The following GRIN2A variants were observed in gnomAD, a reference collection of about 807,000 sequenced individuals.
The protein encoded by GRIN2A is glutamate ionotropic receptor NMDA type subunit 2A, also known as glutamate receptor ionotropic, NMDA 2A.
Under a neutral mutation model 113.4 loss-of-function variants are expected in GRIN2A, and 22 were observed. The observed-to-expected ratio is 0.19, with a 90% CI of 0.14 to 0.28. The LOEUF (loss-of-function observed/expected upper bound fraction) is 0.28, where lower values mean the gene tolerates loss of function less well. Among genes scored for constraint, GRIN2A ranks in the 10% least tolerant of loss-of-function variants. The pLI, the probability that GRIN2A is intolerant of heterozygous loss-of-function variation, is 1.00. For synonymous variants in GRIN2A, 827 were observed against 738.4 expected (o/e 1.12, Z -1.94); for missense variants, 1,502 against 1,887.0 (o/e 0.80, Z 3.78).
intron 2 of GRIN2A, among the ~76,000 whole-genome samples, chr16:10,034,412 C>T (rs577462838): frequency 1.3e-5 from 2 of 151,870 alleles, no homozygotes; most frequent in South Asian, 4.2e-4. Flanking sequence ...ATAGTCCCTG[C>T]TACTCGGGAG....
At chr16:10,087,757 T>G (rs934914120) in intron 2 of GRIN2A, among the ~76,000 whole-genome samples, 1 of 152,070 alleles carries the variant, frequency 6.6e-6, no homozygotes, top group Non-Finnish European at 1.5e-5. Flanking sequence ...TAGCATGATC[T>G]CAGCTCATTG....
chr16:9,776,278 ATTTTTTTTT>A (rs34371083), intron 11 of GRIN2A, among the ~76,000 whole-genome samples: 3 of 129,664 alleles, frequency 2.3e-5, no homozygotes, highest in African/African-American at 8.7e-5. Context: ...AACATCCTGG[ATTTTTTTTT>A]TTTTTTTTTG....
chr16:9,820,005 C>G (rs1488704447), intron 10 of GRIN2A, among the ~76,000 whole-genome samples: 1 of 151,550 alleles, frequency 6.6e-6, no homozygotes, highest in South Asian at 2.1e-4. Flanking sequence ...GCAAAGCATC[C>G]CCCACATGGG....
intron 2 of GRIN2A, among the ~76,000 whole-genome samples, chr16:10,154,311 G>A (rs1383983439): frequency 6.6e-6 from 1 of 152,148 alleles, no homozygotes; most frequent in Non-Finnish European, 1.5e-5. Context: ...TTAAGATACA[G>A]GGGCTGTTTG....
intron 2 of GRIN2A, among the ~76,000 whole-genome samples, chr16:10,169,987 T>C (rs1223754620): frequency 1.3e-5 from 2 of 152,182 alleles, no homozygotes; most frequent in African/African-American, 4.8e-5. Flanking sequence ...ATAAAAAGTC[T>C]GTATTTGAGC....
At chr16:9,844,218 A>G (rs1314340051) in intron 5 of GRIN2A, among the ~76,000 whole-genome samples, 3 of 152,168 alleles carry the variant, frequency 2.0e-5, no homozygotes, top group Non-Finnish European at 4.4e-5. Flanking sequence ...AACCTCAGCC[A>G]GTTTATGAGT....
chr16:10,104,401 C>T (rs1038918158), intron 2 of GRIN2A, among the ~76,000 whole-genome samples: 1 of 152,014 alleles, frequency 6.6e-6, no homozygotes, highest in Non-Finnish European at 1.5e-5. Context: ...GGTGCCATGC[C>T]CTGGAGGAGG....
At chr16:9,842,807 T>C (rs2042703032) in intron 5 of GRIN2A, among the ~76,000 whole-genome samples, 1 of 152,006 alleles carries the variant, frequency 6.6e-6, no homozygotes, top group South Asian at 2.1e-4. Flanking sequence ...CATGGTGGCA[T>C]GCACCTGTAA....
chr16:10,097,984 C>T (rs1461765303), intron 2 of GRIN2A, among the ~76,000 whole-genome samples: 1 of 152,138 alleles, frequency 6.6e-6, no homozygotes, highest in Non-Finnish European at 1.5e-5. Context: ...GCCAAAAGAA[C>T]AGTCAGCAGA....
intron 2 of GRIN2A, among the ~76,000 whole-genome samples, chr16:9,966,299 G>T (rs2045555624): frequency 6.6e-6 from 1 of 152,062 alleles, no homozygotes; most frequent in Admixed American, 6.6e-5. Flanking sequence ...GCCCCATTGT[G>T]TGTTTTTCCA....
At position 10,046,780 on chromosome 16, in the gene GRIN2A, T is replaced by G. The variant is rs549802109; in HGVS notation, c.415-108229A>C. Reference sequence around the variant, plus strand: ...AAAATGCATAATAAACTCCAAGTGCTTTGTGGGTATCATTACATTTTCAGT... The same window carrying G: ...AAAATGCATAATAAACTCCAAGTGCGTTGTGGGTATCATTACATTTTCAGT... On this transcript the variant is annotated intron_variant, in intron 2 of 12. Coordinates refer to ENST00000330684, the MANE Select transcript of GRIN2A (RefSeq NM_001134407.3). Among the ~76,000 whole-genome samples the G allele has an allele frequency of 1.1e-4, 17 of 152,304 alleles. No homozygotes were observed. The East Asian group carries it at 3.3e-3, about 29-fold the overall frequency.
chr16:10,158,841 C>G (rs2049755449), intron 2 of GRIN2A, among the ~76,000 whole-genome samples: 1 of 152,182 alleles, frequency 6.6e-6, no homozygotes, highest in African/African-American at 2.4e-5. Flanking sequence ...GATGGAGGTG[C>G]TGGTCACACA....
At chr16:10,122,422 T>C (rs981494520) in intron 2 of GRIN2A, among the ~76,000 whole-genome samples, 1 of 152,144 alleles carries the variant, frequency 6.6e-6, no homozygotes, top group Non-Finnish European at 1.5e-5. Flanking sequence ...GTGATGAACA[T>C]TGCAGCAGGT....
intron 9 of GRIN2A, among the ~76,000 whole-genome samples, chr16:9,827,429 G>T (rs2141306452): frequency 6.6e-6 from 1 of 152,334 alleles, no homozygotes; most frequent in East Asian, 1.9e-4. Context: ...GGAAAGACTG[G>T]AGAAGGGGGA....
At chr16:10,118,615 G>A (rs2048773501) in intron 2 of GRIN2A, among the ~76,000 whole-genome samples, 1 of 152,168 alleles carries the variant, frequency 6.6e-6, no homozygotes, top group African/African-American at 2.4e-5. Context: ...TCCTGGTATG[G>A]CGGAGAAGAA....
intron 2 of GRIN2A, among the ~76,000 whole-genome samples, chr16:10,007,875 T>C (rs1298611717): frequency 2.0e-5 from 3 of 152,144 alleles, no homozygotes; most frequent in Non-Finnish European, 4.4e-5. Flanking sequence ...GACTTTAGAA[T>C]GGAAGGTCCT....
intron 2 of GRIN2A, among the ~76,000 whole-genome samples, chr16:9,982,227 C>A (rs1195175388): frequency 6.6e-6 from 1 of 152,210 alleles, no homozygotes; most frequent in African/African-American, 2.4e-5. Flanking sequence ...ATGCCCCCTC[C>A]CATATTTGCT....
intron 4 of GRIN2A, among the ~76,000 whole-genome samples, chr16:9,889,906 T>C (rs879351863): frequency 1.1e-4 from 16 of 152,338 alleles, no homozygotes; most frequent in Admixed American, 2.0e-4. Flanking sequence ...CCATGTGCAC[T>C]CGAAAGGCTG....
intron 2 of GRIN2A, among the ~76,000 whole-genome samples, chr16:10,058,038 C>T (rs747157194): frequency 6.6e-5 from 10 of 152,058 alleles, no homozygotes; most frequent in Admixed American, 1.3e-4. Flanking sequence ...GTGGATCACT[C>T]GAGGTCAGGA....
Sources: gnomAD v4.1 joint callset for allele counts (sites outside exome capture counted in the v4.1 genomes callset) on GRCh38, gnomAD v4.1.1 for gene constraint, MANE v1.5 for transcripts, NCBI Gene and HGNC (gene_info 2026-07-23, HGNC 2026-07-21) for gene names.